Variants in ACTR8 observed in about 807,000 individuals in gnomAD.
ACTR8 encodes the protein actin-related protein 8.
A neutral mutation model predicts 84.3 loss-of-function variants in ACTR8; 70 were observed. The observed-to-expected ratio is 0.83, with a 90% CI of 0.68 to 1.01. ACTR8 has a LOEUF of 1.01. Among genes scored for constraint, ACTR8 ranks in the 50% least tolerant of loss-of-function variants. The pLI is 0.00. For missense variants in ACTR8, 672 were observed against 775.4 expected (o/e 0.87, Z 1.58); for synonymous variants, 268 against 275.2 (o/e 0.97, Z 0.26).
intron 5 of ACTR8, among the ~76,000 whole-genome samples, chr3:53,877,013 C>T (rs1699984344): frequency 6.6e-6 from 1 of 150,950 alleles, no homozygotes; most frequent in Non-Finnish European, 1.5e-5. Context: ...AATAGAGACA[C>T]CAAAGAAACA....
downstream of ACTR8, among the ~76,000 whole-genome samples, chr3:53,864,066 A>G (rs1022308523): frequency 1.3e-5 from 2 of 152,038 alleles, no homozygotes; most frequent in Non-Finnish European, 2.9e-5. Flanking sequence ...CAAGTGATCT[A>G]CCAGCCTTGG....
rs778347217 is a variant in ACTR8, at chr3:53,878,339, C to A, written c.405+18G>T. The A allele has an allele frequency of 1.3e-6, 2 of 1,517,208 alleles. No homozygotes were observed. The highest frequency in any genetic ancestry group is 2.3e-5 in the South Asian group (2 of 88,712). 94.0% of individuals were successfully genotyped at this position (1,517,208 alleles called of 1,614,324 possible). On this transcript the variant is annotated intron_variant, in intron 3 of 12. Transcript: ENST00000335754. ...CAATAGTGGTGATAAAAGAATAAAT[C>A]TGAAGAGTTAATCGAACCTGTTCAG... is the stretch of plus-strand genomic sequence containing the variant.
downstream of ACTR8, chr3:53,865,639 T>C: frequency 1.5e-5 from 3 of 203,564 alleles, no homozygotes; most frequent in Non-Finnish European, 2.9e-5. Context: ...TACCCAGAAC[T>C]GTTTAGCTAA....
intron 10 of ACTR8, among the ~76,000 whole-genome samples, 160 bp from the exon 11 acceptor site, chr3:53,871,656 A>T (rs942048430): frequency 1.3e-4 from 20 of 152,230 alleles, no homozygotes; most frequent in African/African-American, 4.6e-4. Flanking sequence ...TAGGAATGAG[A>T]GACGGTGCAC....
intron 7 of ACTR8, among the ~76,000 whole-genome samples, chr3:53,874,853 A>C (rs1403063006): frequency 6.6e-6 from 1 of 152,238 alleles, no homozygotes; most frequent in Non-Finnish European, 1.5e-5. Flanking sequence ...AAGGAACTTC[A>C]GCAAAAACCA....
In ACTR8 at chr3:53,868,460, T is replaced by G; in HGVS notation, c.*259A>C. On this transcript the variant is annotated 3_prime_UTR_variant, in exon 13 of 13. Transcript: ENST00000335754. ...GCAACGTTTACATCACTGGGGAGTTTATGAGACCCTGAGAGAGGGCAAGAG... is the reference window on the plus strand; with the variant it reads ...GCAACGTTTACATCACTGGGGAGTTGATGAGACCCTGAGAGAGGGCAAGAG... 1 of 437,638 alleles carries G rather than the reference T, an allele frequency of 2.3e-6. No homozygotes were observed. The highest frequency in any genetic ancestry group is 4.0e-6 in the Non-Finnish European group (1 of 248,672). 27.1% of individuals were successfully genotyped at this position (437,638 alleles called of 1,614,324 possible). A position where few individuals can be genotyped will look rare whatever the true frequency, so the allele number is the denominator to read the frequency against.
chr3:53,877,194 AACTGAGGATT>A lies in ACTR8; in HGVS notation c.684+10_684+19del. On this transcript the variant is annotated intron_variant, in intron 5 of 12. Transcript: ENST00000335754. ...CAAGAATCTTAAAAACAATCCAAAT[AACTGAGGATT>A]TTAGCTCACCTTTAAATCTTTCAGT... is the stretch of plus-strand genomic sequence containing the variant. 6.3e-7 allele frequency: 1 copy of A among 1,577,128 alleles called. No homozygotes were observed. The highest frequency in any genetic ancestry group is 8.6e-7 in the Non-Finnish European group (1 of 1,163,074).
Position 53,871,252 on chromosome 3 carries a change from A to T in ACTR8, c.1547T>A (p.Leu516His), listed in dbSNP as rs1403460042. 6.2e-7 allele frequency: 1 copy of T among 1,614,134 alleles called. No homozygotes were observed. Among genetic ancestry groups the T allele is most frequent in the Admixed American group, 1.7e-5 (1 of 60,030 alleles). ...CTTACAACAGCAGTCTATGCTATGG[A>T]GGATGGCTTTATCCAGGCCCAGGGC... ...GKALGLDKAI[L>H]HSIDCCSSDD... The change falls in exon 11 of 13, where the codon CTC becomes CAC. Residue 516 changes from leucine to histidine, a missense_variant. Coordinates refer to ENST00000335754, the MANE Select transcript of ACTR8 (RefSeq NM_022899.5).
chr3:53,876,497 C>T (rs565635604), intron 6 of ACTR8, 123 bp downstream of exon 6: 12 of 655,246 alleles, frequency 1.8e-5, no homozygotes, highest in Admixed American at 3.3e-5. Context: ...CCAGCCTGGG[C>T]GACAGAGAGA....
intron 10 of ACTR8, 151 bp downstream of exon 10, chr3:53,872,233 A>T: frequency 1.1e-6 from 1 of 907,678 alleles, no homozygotes; most frequent in Non-Finnish European, 1.5e-6. Flanking sequence ...TCCAGATTTT[A>T]AACTCAGACT....
chr3:53,865,048 G>T (rs199790259), downstream of ACTR8: 1 of 1,614,194 alleles, frequency 6.2e-7, no homozygotes, highest in African/African-American at 1.3e-5. Context: ...CAGTCCCAGT[G>T]AGAACTCTCA....
chr3:53,877,770 A>G lies in ACTR8; in HGVS notation c.406-19T>C. 6.2e-7 allele frequency: 1 copy of G among 1,604,114 alleles called. No homozygotes were observed. The highest frequency in any genetic ancestry group is 8.5e-7 in the Non-Finnish European group (1 of 1,171,032). ...AGCGTGCCTGAAAAGAAAAACCATC[A>G]GAAAATTATCTCAATTTATTCAAGG... is the stretch of plus-strand genomic sequence containing the variant. On this transcript the variant is annotated intron_variant, in intron 3 of 12. Transcript: ENST00000335754.
chr3:53,865,177 C>G (rs781706838), downstream of ACTR8: 4 of 1,614,162 alleles, frequency 2.5e-6, no homozygotes, highest in South Asian at 4.4e-5. Flanking sequence ...TTACAATGCT[C>G]TCAGTGTCTG....
At chr3:53,881,181 T>C (rs1324271188) in intron 1 of ACTR8, among the ~76,000 whole-genome samples, 2 of 152,224 alleles carry the variant, frequency 1.3e-5, no homozygotes, top group South Asian at 4.1e-4. Flanking sequence ...GCTGCCCTAC[T>C]AGTTAGGTAT....
At chr3:53,862,714 A>C (rs187894028), downstream of ACTR8, among the ~76,000 whole-genome samples, 1 of 152,342 alleles carries the variant, frequency 6.6e-6, no homozygotes, top group African/African-American at 2.4e-5. Context: ...AATCGACATT[A>C]AACAATCTGG....
intron 3 of ACTR8, among the ~76,000 whole-genome samples, 193 bp downstream of exon 3, chr3:53,878,164 C>T (rs3733080): frequency 0.02 from 2,982 of 152,292 alleles, 79 homozygotes; most frequent in Admixed American, 0.072. Context: ...CCTACCACCA[C>T]CTTATAAATT....
In ACTR8 at chr3:53,868,584, C is replaced by T. The variant is rs920515208; in HGVS notation, c.*135G>A. The T allele has an allele frequency of 1.4e-4, 182 of 1,341,300 alleles. 1 individual carries two copies. The highest frequency in any genetic ancestry group is 1.7e-4 in the Non-Finnish European group (174 of 995,448). The allele number at this position is 1,341,300 out of a possible 1,614,324, so 83.1% of individuals were successfully genotyped here. A position where few individuals can be genotyped will look rare whatever the true frequency, so the allele number is the denominator to read the frequency against. ...TTTCAAACCAATGTCATGTCCTCAACATAAAGTTCAAATTCATTTACTGTC... is the reference window on the plus strand; with the variant it reads ...TTTCAAACCAATGTCATGTCCTCAATATAAAGTTCAAATTCATTTACTGTC... On this transcript the variant is annotated 3_prime_UTR_variant, in exon 13 of 13. Coordinates refer to ENST00000335754, the MANE Select transcript of ACTR8 (RefSeq NM_022899.5).
the ACTR8 span, chr3:53,860,946 G>A: frequency 2.6e-5 from 4 of 152,116 alleles, no homozygotes; most frequent in Non-Finnish European, 4.4e-5. Flanking sequence ...TGAGAGAAAC[G>A]TGAGCATAAA....
chr3:53,877,298 A>G lies in ACTR8; in HGVS notation c.600T>C (p.Ser200=), dbSNP rs111423985. ...CAATATCTGCCAGAACAGCTGTAAG[A>G]GAGCCCCCAGGGCCTGGGTGAATAT... is the stretch of plus-strand genomic sequence containing the variant. ...QLNIHPGPGG[S]LTAVLADIEV... The change falls in exon 5 of 13, where the codon TCT becomes TCC. Residue 200 remains serine, a synonymous_variant. Coordinates refer to ENST00000335754, the MANE Select transcript of ACTR8 (RefSeq NM_022899.5). 1.9e-6 allele frequency: 3 copies of G among 1,614,184 alleles called. No individual in the cohort carries two copies. Among genetic ancestry groups the G allele is most frequent in the Non-Finnish European group, 2.5e-6 (3 of 1,180,006 alleles).
Sources: gnomAD v4.1 joint callset for allele counts (sites outside exome capture counted in the v4.1 genomes callset) on GRCh38, gnomAD v4.1.1 for gene constraint, MANE v1.5 for transcripts, NCBI Gene and HGNC (gene_info 2026-07-23, HGNC 2026-07-21) for gene names.